The following TACC2 variants were observed in gnomAD, a reference collection of about 807,000 sequenced individuals.
TACC2 encodes transforming acidic coiled-coil containing protein 2, also known as transforming acidic coiled-coil-containing protein 2.
Under a neutral mutation model 227.3 loss-of-function variants are expected in TACC2, and 137 were observed. The ratio of observed to expected loss-of-function variants is 0.60; its 90% CI spans 0.52 to 0.69. The LOEUF (loss-of-function observed/expected upper bound fraction) is 0.69, where lower values mean the gene tolerates loss of function less well. TACC2 is among the 30% of genes least tolerant of loss of function. The pLI, the probability that TACC2 is intolerant of heterozygous loss-of-function variation, is 0.00. For missense variants in TACC2, 3,470 were observed against 3,694.4 expected, an observed-to-expected ratio of 0.94 and a Z score of 1.57; for synonymous variants, 1,523 against 1,487.5, an observed-to-expected ratio of 1.02 and a Z score of -0.55.
At chr10:122,203,983 C>T (rs1166256168) in intron 8 of TACC2, among the ~76,000 whole-genome samples, 1 of 151,534 alleles carries the variant, frequency 6.6e-6, no homozygotes, top group Non-Finnish European at 1.5e-5. Flanking sequence ...CAGCGAAACC[C>T]TGTCTCCACC....
chr10:122,233,270 T>G (rs1007132104), intron 16 of TACC2, among the ~76,000 whole-genome samples: 1 of 152,200 alleles, frequency 6.6e-6, no homozygotes, highest in African/African-American at 2.4e-5. Flanking sequence ...ACAGGAGCCC[T>G]GAATTTAACA....
At chr10:122,241,389 T>C (rs2095989258) in intron 18 of TACC2, among the ~76,000 whole-genome samples, 1 of 152,170 alleles carries the variant, frequency 6.6e-6, no homozygotes, top group Non-Finnish European at 1.5e-5. Flanking sequence ...ACTCCTGGGC[T>C]CAAGTGATCC....
chr10:122,101,298 C>T (rs965775785), intron 5 of TACC2, among the ~76,000 whole-genome samples: 2 of 152,138 alleles, frequency 1.3e-5, no homozygotes, highest in African/African-American at 4.8e-5. Context: ...CCAGAGCTGG[C>T]ACATGTATCA....
intron 22 of TACC2, among the ~76,000 whole-genome samples, chr10:122,252,646 A>C (rs548867623): frequency 1.3e-5 from 2 of 152,060 alleles, no homozygotes. Flanking sequence ...GTGTGCCACC[A>C]CGCCCAGCTA....
intron 7 of TACC2, among the ~76,000 whole-genome samples, chr10:122,154,213 G>T (rs2092308185): frequency 6.6e-6 from 1 of 152,232 alleles, no homozygotes; most frequent in Non-Finnish European, 1.5e-5. Flanking sequence ...GCTTCCAAGG[G>T]CCTGATGCCG....
chr10:122,240,211 C>G (rs1022059305), intron 18 of TACC2, among the ~76,000 whole-genome samples: 2 of 152,174 alleles, frequency 1.3e-5, no homozygotes, highest in Non-Finnish European at 2.9e-5. Flanking sequence ...AGGACACGTC[C>G]CTTACCTCCT....
intron 5 of TACC2, among the ~76,000 whole-genome samples, chr10:122,093,934 C>T (rs1237353963): frequency 6.6e-6 from 1 of 152,228 alleles, no homozygotes; most frequent in Non-Finnish European, 1.5e-5. Context: ...CTGCAGGAAT[C>T]TGTAGACGCA....
intron 8 of TACC2, among the ~76,000 whole-genome samples, chr10:122,196,804 C>T (rs375500737): frequency 2.0e-5 from 3 of 151,764 alleles, no homozygotes; most frequent in East Asian, 1.9e-4. Flanking sequence ...GGCGTGGTGG[C>T]GGGCACCTGT....
chr10:122,132,112 T>C lies in TACC2; in HGVS notation c.5574-497T>C, dbSNP rs1341787020. ...AGATCTACAAAGGTTTCTAAACACT[T>C]ACTTGAGGTTTCTGTACTACTCTTG... On this transcript the variant is annotated intron_variant, in intron 5 of 22. Coordinates refer to ENST00000369005, the MANE Select transcript of TACC2 (RefSeq NM_206862.4). Among the ~76,000 whole-genome samples, 4 of 151,214 alleles carry C rather than the reference T, an allele frequency of 2.6e-5. No individual in the cohort carries two copies. In the South Asian group the frequency reaches 8.4e-4, roughly 32 times the overall value.
At chr10:122,233,024 C>T (rs1019909119) in intron 16 of TACC2, among the ~76,000 whole-genome samples, 2 of 152,182 alleles carry the variant, frequency 1.3e-5, no homozygotes, top group South Asian at 2.1e-4. Flanking sequence ...TTCCCTAGAG[C>T]AGCTTTGACT....
chr10:122,195,579 A>G (rs1344424045), intron 8 of TACC2, among the ~76,000 whole-genome samples: 1 of 152,158 alleles, frequency 6.6e-6, no homozygotes, highest in Non-Finnish European at 1.5e-5. Context: ...GGGGATAGAG[A>G]GGTAGACATT....
intron 2 of TACC2, among the ~76,000 whole-genome samples, chr10:122,026,574 T>C (rs1331990793): frequency 6.6e-6 from 1 of 152,134 alleles, no homozygotes; most frequent in Non-Finnish European, 1.5e-5. Context: ...GACAAAGGAA[T>C]AGTATCATGC....
At chr10:122,044,070 G>A (rs576172966) in intron 2 of TACC2, among the ~76,000 whole-genome samples, 32 of 152,324 alleles carry the variant, frequency 2.1e-4, no homozygotes, top group Non-Finnish European at 2.2e-4. Context: ...CAAAACACAC[G>A]TCAAACTCTA....
At chr10:122,166,611 A>G (rs1266376158) in intron 7 of TACC2, among the ~76,000 whole-genome samples, 1 of 152,204 alleles carries the variant, frequency 6.6e-6, no homozygotes, top group Non-Finnish European at 1.5e-5. Context: ...GCAGAGCCTC[A>G]GACCTCACCC....
chr10:122,197,891 G>A (rs1023117280), intron 8 of TACC2, among the ~76,000 whole-genome samples: 8 of 152,234 alleles, frequency 5.3e-5, no homozygotes, highest in African/African-American at 1.9e-4. Context: ...GGGGCATTAC[G>A]AAGGCGTGGG....
intron 3 of TACC2, among the ~76,000 whole-genome samples, chr10:122,058,697 C>T (rs796470708): frequency 3.3e-5 from 5 of 152,088 alleles, no homozygotes; most frequent in African/African-American, 9.6e-5. Context: ...CATGAGCCAC[C>T]GTGCCTGGCC....
intron 8 of TACC2, among the ~76,000 whole-genome samples, chr10:122,196,001 C>T (rs1317011523): frequency 1.3e-5 from 2 of 152,174 alleles, no homozygotes; most frequent in African/African-American, 2.4e-5. Context: ...AGGGCCAAAC[C>T]CCTTCTAGAC....
chr10:122,016,148 G>C (rs1181969872), intron 1 of TACC2, among the ~76,000 whole-genome samples: 1 of 151,276 alleles, frequency 6.6e-6, no homozygotes, highest in Non-Finnish European at 1.5e-5. Context: ...TGTAGTCCCA[G>C]CTAGTTGGGA....
At chr10:122,204,978 C>T (rs1229548524) in intron 8 of TACC2, among the ~76,000 whole-genome samples, 1 of 152,176 alleles carries the variant, frequency 6.6e-6, no homozygotes, top group Admixed American at 6.5e-5. Flanking sequence ...TCTTACCCTA[C>T]CTAGCAAAGC....
Sources: allele counts gnomAD v4.1 joint callset (sites outside exome capture counted in the v4.1 genomes callset), GRCh38; gene constraint gnomAD v4.1.1; transcripts MANE v1.5; gene names NCBI Gene and HGNC (gene_info 2026-07-23, HGNC 2026-07-21).